Variants in ST3GAL1 observed in about 807,000 individuals in gnomAD.
The protein encoded by ST3GAL1 is ST3 beta-galactoside alpha-2,3-sialyltransferase 1, also known as CMP-N-acetylneuraminate-beta-galactosamide-alpha-2,3-sialyltransferase 1.
In ST3GAL1, 16 loss-of-function variants were observed where a neutral mutation model predicts 34.1. The ratio of observed to expected loss-of-function variants is 0.47; its 90% confidence interval spans 0.32 to 0.71. ST3GAL1 has a LOEUF of 0.71. Ranked by LOEUF, ST3GAL1 falls within the 30% of genes least tolerant of loss-of-function variation. The probability of loss-of-function intolerance (pLI) is 0.04; values close to 1 mark genes in which losing one functional copy is unlikely to be tolerated. For missense variants in ST3GAL1, 353 were observed against 447.4 expected (o/e 0.79, Z 1.90); for synonymous variants, 191 against 184.7 (o/e 1.03, Z -0.28).
intron 1 of ST3GAL1, among the ~76,000 whole-genome samples, chr8:133,566,560 C>G (rs950771666): frequency 6.6e-6 from 1 of 152,136 alleles, no homozygotes; most frequent in Non-Finnish European, 1.5e-5. Flanking sequence ...CACCCACATG[C>G]ACCTCAAACC....
intron 2 of ST3GAL1, among the ~76,000 whole-genome samples, chr8:133,530,284 T>A (rs1042141675): frequency 1.3e-5 from 1 of 76,132 alleles, no homozygotes; most frequent in African/African-American, 6.2e-5. Context: ...TTCTTTATTT[T>A]TATTTTTTTT....
intron 2 of ST3GAL1, among the ~76,000 whole-genome samples, chr8:133,507,729 C>T (rs1227358926): frequency 2.0e-5 from 3 of 152,240 alleles, no homozygotes; most frequent in Non-Finnish European, 4.4e-5. Flanking sequence ...AACCACTGGA[C>T]TTTCCTTAGG....
intron 3 of ST3GAL1, among the ~76,000 whole-genome samples, chr8:133,495,383 G>T (rs917961983): frequency 1.3e-5 from 2 of 152,236 alleles, no homozygotes; most frequent in African/African-American, 2.4e-5. Flanking sequence ...CACCTGGAAA[G>T]TAGGCATTAT....
At chr8:133,534,812 T>C (rs146076184) in intron 2 of ST3GAL1, among the ~76,000 whole-genome samples, 79 of 152,292 alleles carry the variant, frequency 5.2e-4, no homozygotes, top group African/African-American at 1.8e-3. Flanking sequence ...CTGACACAAA[T>C]GGACACACTG....
In ST3GAL1 at chr8:133,457,522, G is replaced by A. The variant is rs1049528466; in HGVS notation, c.*2242C>T. On this transcript the variant is annotated 3_prime_UTR_variant, in exon 10 of 10. Coordinates refer to ENST00000522652, the MANE Select transcript of ST3GAL1 (RefSeq NM_173344.3). ...TATATGGGTGTGAGCTCTGCCCTTC[G>A]AGGCTGTATGTTCTGAATGATGACT... The A allele has an allele frequency of 4.6e-5, 7 of 152,142 alleles. No individual in the cohort carries two copies. Among genetic ancestry groups the A allele is most frequent in the Admixed American group, 3.9e-4 (6 of 15,282 alleles). The allele number at this position is 152,142 out of a possible 1,614,324, so 9.4% of individuals were successfully genotyped here.
intron 3 of ST3GAL1, among the ~76,000 whole-genome samples, chr8:133,482,396 G>T: frequency 6.6e-6 from 1 of 152,192 alleles, no homozygotes; most frequent in East Asian, 1.9e-4. Flanking sequence ...TCAGAGAAGA[G>T]GATGGGGCCC....
intron 2 of ST3GAL1, among the ~76,000 whole-genome samples, chr8:133,524,020 C>T (rs769767763): frequency 3.3e-5 from 5 of 152,170 alleles, no homozygotes; most frequent in Admixed American, 6.5e-5. Flanking sequence ...GCCAGAACCA[C>T]CACATGTGAC....
intron 1 of ST3GAL1, among the ~76,000 whole-genome samples, chr8:133,558,710 T>A (rs566028350): frequency 6.6e-6 from 1 of 152,182 alleles, no homozygotes; most frequent in Non-Finnish European, 1.5e-5. Context: ...TGCAGAAGTA[T>A]TCTGATATTC....
chr8:133,474,493 C>T (rs965377655), intron 5 of ST3GAL1, among the ~76,000 whole-genome samples: 7 of 152,212 alleles, frequency 4.6e-5, no homozygotes, highest in Admixed American at 6.5e-5. Flanking sequence ...AAGATCAGAT[C>T]ATGAAACCCC....
chr8:133,536,586 C>T (rs546033688), intron 2 of ST3GAL1, among the ~76,000 whole-genome samples: 64 of 152,316 alleles, frequency 4.2e-4, no homozygotes, highest in African/African-American at 1.5e-3. Flanking sequence ...TGCAGCCAGA[C>T]GGTCTTCCAA....
At chr8:133,501,915 A>G (rs1481259915) in intron 2 of ST3GAL1, among the ~76,000 whole-genome samples, 1 of 152,172 alleles carries the variant, frequency 6.6e-6, no homozygotes, top group Non-Finnish European at 1.5e-5. Context: ...CCTGGCTGGC[A>G]GAAGATGGTG....
At chr8:133,462,571 C>T (rs1563693421) in intron 8 of ST3GAL1, among the ~76,000 whole-genome samples, 1 of 152,182 alleles carries the variant, frequency 6.6e-6, no homozygotes, top group Non-Finnish European at 1.5e-5. Flanking sequence ...GATTCCACCA[C>T]CCAAAGCCTG....
At chr8:133,519,355 T>A (rs1369530875) in intron 2 of ST3GAL1, among the ~76,000 whole-genome samples, 1 of 152,176 alleles carries the variant, frequency 6.6e-6, no homozygotes, top group South Asian at 2.1e-4. Flanking sequence ...TGCAAGGACG[T>A]ACCTGGAGGT....
At chr8:133,557,952 T>C (rs1035195595) in intron 1 of ST3GAL1, among the ~76,000 whole-genome samples, 1 of 150,676 alleles carries the variant, frequency 6.6e-6, no homozygotes, top group African/African-American at 2.4e-5. Context: ...GTCCCCCTCA[T>C]GGCTAAAATC....
intron 5 of ST3GAL1, among the ~76,000 whole-genome samples, chr8:133,468,809 G>A (rs1357050026): frequency 6.6e-6 from 1 of 152,160 alleles, no homozygotes; most frequent in African/African-American, 2.4e-5. Context: ...ATTTCTAACA[G>A]ACTCCTGGGT....
chr8:133,513,389 C>A (rs1318174109), intron 2 of ST3GAL1, among the ~76,000 whole-genome samples: 1 of 152,104 alleles, frequency 6.6e-6, no homozygotes, highest in Non-Finnish European at 1.5e-5. Context: ...CAGGACTTTT[C>A]CTCTTCTCTA....
intron 1 of ST3GAL1, among the ~76,000 whole-genome samples, chr8:133,552,570 G>C (rs567008617): frequency 1.2e-4 from 19 of 152,164 alleles, no homozygotes; most frequent in Non-Finnish European, 1.3e-4. Context: ...CTTTGGGTGC[G>C]GTGGCATCTC....
chr8:133,503,382 G>A (rs539903393), intron 2 of ST3GAL1, among the ~76,000 whole-genome samples: 1 of 152,192 alleles, frequency 6.6e-6, no homozygotes, highest in African/African-American at 2.4e-5. Context: ...TGCAAAACAG[G>A]GATAATAAGC....
chr8:133,538,331 A>G (rs1191108926), intron 2 of ST3GAL1, among the ~76,000 whole-genome samples: 7 of 152,202 alleles, frequency 4.6e-5, no homozygotes, highest in African/African-American at 1.7e-4. Flanking sequence ...CCTGGCCAAC[A>G]TGGCGAAACC....
Sources: gnomAD v4.1 joint callset for allele counts (sites outside exome capture counted in the v4.1 genomes callset) on GRCh38, gnomAD v4.1.1 for gene constraint, MANE v1.5 for transcripts, NCBI Gene and HGNC (gene_info 2026-07-23, HGNC 2026-07-21) for gene names.